Variants in CLVS1 observed in about 807,000 individuals in gnomAD.
The protein encoded by CLVS1 is clavesin 1.
Under a neutral mutation model 33.1 loss-of-function variants are expected in CLVS1, and 10 were observed. The ratio of observed to expected loss-of-function variants is 0.30; its 90% CI spans 0.19 to 0.51. The LOEUF is 0.51. Ranked by LOEUF, CLVS1 falls within the 20% of genes least tolerant of loss-of-function variation. CLVS1 has a pLI of 0.97. For missense variants in CLVS1, 343 were observed against 433.4 expected (o/e 0.79, Z 1.85); for synonymous variants, 163 against 166.1 (o/e 0.98, Z 0.14).
intron 2 of CLVS1, among the ~76,000 whole-genome samples, chr8:61,195,936 C>A (rs563895071): frequency 2.0e-5 from 3 of 152,076 alleles, no homozygotes; most frequent in Non-Finnish European, 4.4e-5. Flanking sequence ...TTTCTATAGA[C>A]ACTATCTTAC....
chr8:61,059,269 C>A (rs998969596), intron 1 of CLVS1, among the ~76,000 whole-genome samples: 1 of 151,750 alleles, frequency 6.6e-6, no homozygotes, highest in South Asian at 2.1e-4. Context: ...GCTTGCATTT[C>A]CAGAATGACT....
rs115216169 is a variant in CLVS1 at position 61,133,156 on chromosome 8, C to A, written c.-152+1296C>A. ...GGTGGGGGACACCAGGGGACATTAC[C>A]CTCAAGGAGTTAGCCTGTAGGGAAG... On this transcript the variant is annotated intron_variant, in intron 2 of 2. Transcript: ENST00000522621. 7.3e-3 allele frequency among the ~76,000 whole-genome samples: 1,105 copies of A among 152,244 alleles called. 17 individuals carry two copies. The highest frequency in any genetic ancestry group is 0.025 in the African/African-American group (1,037 of 41,546).
intron 1 of CLVS1, among the ~76,000 whole-genome samples, chr8:61,081,923 A>G (rs571447726): frequency 6.6e-6 from 1 of 152,370 alleles, no homozygotes; most frequent in East Asian, 1.9e-4. Flanking sequence ...ATAAAAAATT[A>G]CAAGTCATAC....
chr8:61,495,319 C>T (rs1475983158), intron 5 of CLVS1, among the ~76,000 whole-genome samples: 1 of 152,152 alleles, frequency 6.6e-6, no homozygotes, highest in Admixed American at 6.6e-5. Context: ...ATAACTGAAG[C>T]AGTGTTTCCA....
At chr8:60,983,677 C>T in the CLVS1 span, among the ~76,000 whole-genome samples, 1,104 of 152,258 alleles carry the variant, frequency 7.3e-3, 6 homozygotes, top group Middle Eastern at 0.01. Flanking sequence ...TGCACCCAGT[C>T]CCAGGAAAGA....
the CLVS1 span, among the ~76,000 whole-genome samples, chr8:61,032,554 C>A: frequency 6.6e-6 from 1 of 152,044 alleles, no homozygotes; most frequent in Non-Finnish European, 1.5e-5. Context: ...ACCTCTATTA[C>A]CAGTTAGGCC....
chr8:61,033,006 AAAGAAAG>A, the CLVS1 span, among the ~76,000 whole-genome samples: 3 of 109,610 alleles, frequency 2.7e-5, no homozygotes, highest in African/African-American at 1.1e-4. Context: ...AGAAAGAAAG[AAAGAAAG>A]AAAGAAAGAA....
At chr8:61,275,039 T>G (rs1317574904) in intron 2 of CLVS1, among the ~76,000 whole-genome samples, 3 of 152,134 alleles carry the variant, frequency 2.0e-5, no homozygotes, top group Admixed American at 6.5e-5. Flanking sequence ...TGGGAAATTT[T>G]GACTTCAAGC....
At chr8:61,217,050 T>C (rs1808104788) in intron 2 of CLVS1, among the ~76,000 whole-genome samples, 1 of 152,186 alleles carries the variant, frequency 6.6e-6, no homozygotes, top group Non-Finnish European at 1.5e-5. Flanking sequence ...TAAAATACAA[T>C]TTTAATGAAC....
At chr8:61,189,701 A>C (rs1029706358) in intron 2 of CLVS1, among the ~76,000 whole-genome samples, 4 of 152,168 alleles carry the variant, frequency 2.6e-5, no homozygotes, top group African/African-American at 9.6e-5. Flanking sequence ...ATGGAAAACA[A>C]AAAAAGGCAG....
chr8:61,471,347 G>A (rs35421044), intron 5 of CLVS1, among the ~76,000 whole-genome samples: 2 of 152,300 alleles, frequency 1.3e-5, no homozygotes, highest in African/African-American at 4.8e-5. Flanking sequence ...GCGTTGTGTA[G>A]AAGGCTTGCC....
intron 1 of CLVS1, among the ~76,000 whole-genome samples, chr8:61,068,031 A>T (rs6471911): frequency 0.49 from 73,023 of 150,242 alleles, 21,441 homozygotes; most frequent in African/African-American, 0.82. Flanking sequence ...AAAAAATTTT[A>T]AAAAAAATTA....
chr8:61,384,465 A>G (rs1814005351), intron 3 of CLVS1, among the ~76,000 whole-genome samples: 1 of 152,188 alleles, frequency 6.6e-6, no homozygotes, highest in African/African-American at 2.4e-5. Flanking sequence ...CAATAACCAC[A>G]TAGGAAGAAA....
intron 3 of CLVS1, among the ~76,000 whole-genome samples, chr8:61,451,421 T>C (rs1816946765): frequency 6.6e-6 from 1 of 152,222 alleles, no homozygotes; most frequent in African/African-American, 2.4e-5. Flanking sequence ...GATTTGAATA[T>C]GTTTAAAATT....
chr8:61,242,762 C>T (rs1808721522), intron 2 of CLVS1, among the ~76,000 whole-genome samples: 1 of 151,734 alleles, frequency 6.6e-6, no homozygotes, highest in Middle Eastern at 3.4e-3. Context: ...CTTTGAACTC[C>T]AGCCTGGGCA....
chr8:61,354,369 A>G (rs771302490), intron 2 of CLVS1, among the ~76,000 whole-genome samples: 4 of 152,130 alleles, frequency 2.6e-5, no homozygotes, highest in Non-Finnish European at 4.4e-5. Flanking sequence ...TTGCCAGTGA[A>G]AATGTAAAAT....
At chr8:61,000,691 A>G in the CLVS1 span, among the ~76,000 whole-genome samples, 2 of 152,188 alleles carry the variant, frequency 1.3e-5, no homozygotes, top group African/African-American at 2.4e-5. Context: ...TTCCAGCTCA[A>G]TATGTAATAA....
Position 61,214,104 on chromosome 8 carries a change from G to T in CLVS1, c.-152+82244G>T, listed in dbSNP as rs200134217. On this transcript the variant is annotated intron_variant, in intron 2 of 2. Coordinates refer to the CLVS1 transcript ENST00000522621. ...CCCACCTAATAATTTTGGTCAGACCGGTTGCTCTCAAAACCCTATCTCCTG... is the reference window on the plus strand; with the variant it reads ...CCCACCTAATAATTTTGGTCAGACCTGTTGCTCTCAAAACCCTATCTCCTG... Among the ~76,000 whole-genome samples the T allele has an allele frequency of 3.0e-4, 46 of 152,186 alleles. No homozygotes were observed. The East Asian group carries it at 8.7e-3, about 29-fold the overall frequency.
intron 3 of CLVS1, among the ~76,000 whole-genome samples, chr8:61,427,484 C>A (rs1470083480): frequency 6.6e-6 from 1 of 152,168 alleles, no homozygotes; most frequent in Non-Finnish European, 1.5e-5. Context: ...CAGTAAACAG[C>A]AGTTGTATAG....
Sources: gnomAD v4.1 joint callset for allele counts (sites outside exome capture counted in the v4.1 genomes callset) on GRCh38, gnomAD v4.1.1 for gene constraint, MANE v1.5 for transcripts, NCBI Gene and HGNC (gene_info 2026-07-23, HGNC 2026-07-21) for gene names.